C1R: variants seen among roughly 807,000 people sequenced by gnomAD.
C1R encodes the protein complement C1r, also known as complement C1r subcomponent.
A neutral mutation model predicts 27.6 loss-of-function variants in C1R; 15 were observed. The ratio of observed to expected loss-of-function variants is 0.54; its 90% CI spans 0.36 to 0.84. The LOEUF (loss-of-function observed/expected upper bound fraction) is 0.84, where lower values mean the gene tolerates loss of function less well. Among genes scored for constraint, C1R ranks in the 40% least tolerant of loss-of-function variants. C1R has a pLI of 0.01. For missense variants in C1R, 544 were observed against 577.9 expected (o/e 0.94, Z 0.60); for synonymous variants, 253 against 228.8 (o/e 1.11, Z -0.95).
chr12:7,086,166 G>A, intron 8 of C1R, 150 bp from the exon 9 acceptor site: 1 of 397,770 alleles, frequency 2.5e-6, no homozygotes, highest in Non-Finnish European at 4.4e-6. Context: ...CAGGAGTTGG[G>A]TGGTATGAAA....
At chr12:7,085,826 G>A in intron 9 of C1R, 35 bp downstream of exon 9, 1 of 398,502 alleles carries the variant, frequency 2.5e-6, no homozygotes, top group Non-Finnish European at 4.4e-6. Context: ...CAAGGGGATG[G>A]AAGGGAGGAA....
chr12:7,089,090 C>T (rs1938207106), intron 5 of C1R, 104 bp from the exon 6 acceptor site: 1 of 635,450 alleles, frequency 1.6e-6, no homozygotes, highest in African/African-American at 1.8e-5. Context: ...TGATGAAATC[C>T]TGCCTTATGT....
chr12:7,080,557 T>C lies in C1R; in HGVS notation c.2093A>G (p.Lys698Arg), dbSNP rs774830402. The C allele has an allele frequency of 1.9e-6, 3 of 1,580,590 alleles. No homozygotes were observed. The African/African-American group carries it at 4.0e-5, about 21-fold the overall frequency. ...TKVLNYVDWI[K>R]KEMEEED Reference sequence around the variant, plus strand: ...TCAGTCCTCCTCCTCCATCTCTTTCTTGATCCAGTCCACGTAGTTGAGCAC... The same window carrying C: ...TCAGTCCTCCTCCTCCATCTCTTTCCTGATCCAGTCCACGTAGTTGAGCAC... Residue 698 changes from lysine (K) to arginine (R), a missense_variant, in exon 11 of 11, where the codon AAG becomes AGG. Physicochemically the swap from Lys to Arg is conservative, Grantham distance 26. Transcript: ENST00000647956. The surrounding 1 kb of genome is among the most constrained non-coding windows in gnomAD (Gnocchi z 4.9).
intron 5 of C1R, 90 bp downstream of exon 5, chr12:7,089,203 G>A (rs937629934): frequency 9.9e-6 from 7 of 705,214 alleles, no homozygotes; most frequent in African/African-American, 1.7e-5. Flanking sequence ...GCCCCAGCTG[G>A]CCAGGGGATC....
chr12:7,089,979 A>T, intron 3 of C1R, 77 bp downstream of exon 3: 3 of 702,710 alleles, frequency 4.3e-6, no homozygotes, highest in Admixed American at 4.2e-5. Flanking sequence ...GCTTCTTTGC[A>T]TTCAAGATTC....
chr12:7,083,645 G>GTGGTGGTGATGGTGGTGT, intron 9 of C1R, among the ~76,000 whole-genome samples: 1 of 20 alleles, frequency 0.05, no homozygotes, highest in Non-Finnish European at 0.083. Flanking sequence ...GATGGTGTTG[G>GTGGTGGTGATGGTGGTGT]TGGTGNNNNN....
chr12:7,092,365 G>C (rs764466575), intron 1 of C1R, 22 bp downstream of exon 1: 17 of 780,664 alleles, frequency 2.2e-5, no homozygotes, highest in Middle Eastern at 2.2e-4. Context: ...CTCCCACCTG[G>C]TTGCCCATCA....
rs755765520 is a variant in C1R, at chr12:7,092,424, A to G, written c.-36T>C. 2.6e-6 allele frequency: 2 copies of G among 780,658 alleles called. No homozygotes were observed. Among genetic ancestry groups the G allele is most frequent in the South Asian group, 2.7e-5 (2 of 74,584 alleles). The allele number at this position is 780,658 out of a possible 1,614,324, so 48.4% of individuals were successfully genotyped here. A position where few individuals can be genotyped will look rare whatever the true frequency, so the allele number is the denominator to read the frequency against. On this transcript the variant is annotated 5_prime_UTR_variant, in exon 1 of 11. Coordinates refer to ENST00000647956, the MANE Select transcript of C1R (RefSeq NM_001733.7). ...CCGTGTTGAATCCTGGGCTCTCCCGACAGCGTCTTCGTGCACTGTGTGCAG... is the reference window on the plus strand; with the variant it reads ...CCGTGTTGAATCCTGGGCTCTCCCGGCAGCGTCTTCGTGCACTGTGTGCAG...
chr12:7,089,475 C>T lies in C1R; in HGVS notation c.586G>A (p.Glu196Lys), dbSNP rs768921131. ...TAGCCTGATGCCTCCGTGTACAGCT[C>T]GCTGCTGCACTCAGCTGTGAGAGCA... ...RHSCQAECSS[E>K]LYTEASGYIS... Residue 196 changes from glutamate to lysine, a missense_variant, in exon 5 of 11, where the codon GAG (glutamate) becomes AAG (lysine). Transcript: ENST00000647956. 1.2e-5 allele frequency: 9 copies of T among 775,592 alleles called. No individual in the cohort carries two copies. Among genetic ancestry groups the T allele is most frequent in the East Asian group, 9.7e-5 (4 of 41,170 alleles). The allele number at this position is 775,592 out of a possible 1,614,324, so 48.0% of individuals were successfully genotyped here.
chr12:7,082,524 G>C (rs1288616235), intron 9 of C1R, among the ~76,000 whole-genome samples: 5 of 151,958 alleles, frequency 3.3e-5, no homozygotes, highest in Admixed American at 1.3e-4. Flanking sequence ...GTAGAGACAG[G>C]GTTTCACCGT....
At chr12:7,089,168 C>G in intron 5 of C1R, 125 bp downstream of exon 5, 1 of 662,168 alleles carries the variant, frequency 1.5e-6, no homozygotes, top group Non-Finnish European at 2.8e-6. Context: ...ACTTACCCAG[C>G]CCATGGGTGA....
rs1026433645 is a variant in C1R at position 7,085,704 on chromosome 12, C to T, written c.1273+157G>A. 6.6e-5 allele frequency among the ~76,000 whole-genome samples: 10 copies of T among 152,214 alleles called. No homozygotes were observed. The South Asian group carries it at 1.9e-3, about 28-fold the overall frequency. On this transcript the variant is annotated intron_variant, in intron 9 of 10. Coordinates refer to ENST00000647956, the MANE Select transcript of C1R (RefSeq NM_001733.7). Reference sequence around the variant, plus strand: ...AGCTCAGATGCCTCCTTCTTCAAACCTACTAGGTTCCTGTTAGCACTATAA... The same window carrying T: ...AGCTCAGATGCCTCCTTCTTCAAACTTACTAGGTTCCTGTTAGCACTATAA...
At chr12:7,082,165 C>T (rs1938076245) in intron 9 of C1R, 59 bp from the exon 10 acceptor site, 2 of 944,410 alleles carry the variant, frequency 2.1e-6, no homozygotes, top group African/African-American at 1.6e-5. Context: ...AACTAGGTTG[C>T]AGAGGCCAGC....
In C1R at chr12:7,091,336, G is replaced by C. The variant is rs868228183; in HGVS notation, c.231+116C>G. ...GCATCCCCGGGCTCTCAGAGAGGCCGTTGGCCATCAGCTCTTGTGGGGCTG... is the reference window on the plus strand; with the variant it reads ...GCATCCCCGGGCTCTCAGAGAGGCCCTTGGCCATCAGCTCTTGTGGGGCTG... On this transcript the variant is annotated intron_variant, in intron 2 of 10. Transcript: ENST00000647956. This position sits in a 1 kb window ranked among gnomAD's most constrained non-coding sequence, Gnocchi z 5.1. The C allele has an allele frequency of 1.2e-5, 8 of 664,900 alleles. No homozygotes were observed. The highest frequency in any genetic ancestry group is 2.2e-5 in the Non-Finnish European group (8 of 370,330). 41.2% of individuals were successfully genotyped at this position (664,900 alleles called of 1,614,324 possible).
intron 10 of C1R, among the ~76,000 whole-genome samples, chr12:7,081,555 C>T (rs1938064784): frequency 6.6e-6 from 1 of 151,444 alleles, no homozygotes; most frequent in South Asian, 2.1e-4. Flanking sequence ...TGCAGTGGCG[C>T]GATTTCAGCT....
In C1R at chr12:7,090,056, C is replaced by T; in HGVS notation, c.424G>A (p.Asp142Asn). The part of the protein sequence containing the change: ...KGFLAYYQAV[D>N]LDECASRSKS... ...AAGGGATCCCTGGGGGGCTACTCAC[C>T]CACAGCTTGGTAGTAGGCCAGGAAG... The change falls in exon 3 of 11, where the codon GAC becomes AAC. Residue 142 changes from aspartate to asparagine, a missense_variant and splice_region_variant. This residue lies in a region of C1R where 291 missense variants were observed against 209.0 expected (regional missense o/e 1.39). Transcript: ENST00000647956. 1 of 771,810 alleles carries T rather than the reference C, an allele frequency of 1.3e-6. No individual in the cohort carries two copies. The highest frequency in any genetic ancestry group is 1.4e-5 in the South Asian group (1 of 72,684). The allele number at this position is 771,810 out of a possible 1,614,324, so 47.8% of individuals were successfully genotyped here. A position where few individuals can be genotyped will look rare whatever the true frequency, so the allele number is the denominator to read the frequency against.
In C1R at chr12:7,088,948, C is replaced by T. The variant is rs748220833; in HGVS notation, c.807G>A (p.Gly269=). The change falls in exon 6 of 11, where the codon GGG becomes GGA. Residue 269 remains glycine (G), a synonymous_variant. Transcript: ENST00000647956. ...ANGKNIGEFC[G]KQRPPDLDTS... ...TGTCGAGGTCGGGGGGCCTTTGCTT[C>T]CCACAGAACTCGCCAATGTTCTTCC... 2.6e-6 allele frequency: 2 copies of T among 755,114 alleles called. No homozygotes were observed. The highest frequency in any genetic ancestry group is 2.5e-5 in the East Asian group (1 of 40,254). The allele number at this position is 755,114 out of a possible 1,614,324, so 46.8% of individuals were successfully genotyped here.
In C1R at chr12:7,081,198, G is replaced by A. The variant is rs201158284; in HGVS notation, c.1452C>T (p.His484=). 4.6e-4 allele frequency: 743 copies of A among 1,613,484 alleles called. 4 individuals are homozygous for A. The highest frequency in any genetic ancestry group is 3.8e-3 in the Middle Eastern group (23 of 6,062). Residue 484 remains histidine (H), a synonymous_variant, in exon 11 of 11, where the codon CAC becomes CAT. Transcript: ENST00000647956. ...NFPWQVFTNI[H]GRGGGALLGD... Reference sequence around the variant, plus strand: ...CCAGCAGGGCCCCGCCCCCGCGCCCGTGGATGTTGGTGAACACCTGCCAGG... The same window carrying A: ...CCAGCAGGGCCCCGCCCCCGCGCCCATGGATGTTGGTGAACACCTGCCAGG...
At chr12:7,090,008 T>C in intron 3 of C1R, 48 bp downstream of exon 3, 1 of 721,998 alleles carries the variant, frequency 1.4e-6, no homozygotes, top group Non-Finnish European at 2.6e-6. Flanking sequence ...GGCCCCCCAT[T>C]CAATATGGCT....
Sources: allele counts gnomAD v4.1 joint callset (sites outside exome capture counted in the v4.1 genomes callset), GRCh38; gene constraint gnomAD v4.1.1; regional missense constraint gnomAD v4.1.1; non-coding constraint Gnocchi (gnomAD v3.1); transcripts MANE v1.5; gene names NCBI Gene and HGNC (gene_info 2026-07-23, HGNC 2026-07-21).